The following SCIN variants were observed in gnomAD, a reference collection of about 807,000 sequenced individuals.
SCIN encodes the protein adseverin.
In SCIN, 91 loss-of-function variants were observed where a neutral mutation model predicts 91.8. The observed-to-expected ratio is 0.99, with a 90% CI of 0.84 to 1.18. The LOEUF is 1.18. Among genes scored for constraint, SCIN ranks in the 50% most tolerant of loss-of-function variants. The pLI, the probability that SCIN is intolerant of heterozygous loss-of-function variation, is 0.00. For synonymous variants in SCIN, 367 were observed against 312.6 expected (o/e 1.17, Z -1.84); for missense variants, 1,087 against 863.9 (o/e 1.26, Z -3.24).
At chr7:12,626,424 A>T in intron 7 of SCIN, 160 bp from the exon 8 acceptor site, 1 of 585,408 alleles carries the variant, frequency 1.7e-6, no homozygotes, top group African/African-American at 1.9e-5. Context: ...TTCAGCGGCA[A>T]TTACTTTAGT....
Position 12,625,004 on chromosome 7 carries a change from T to C in SCIN, c.760-6T>C, listed in dbSNP as rs1783482553. On this transcript the variant is annotated splice_polypyrimidine_tract_variant and splice_region_variant and intron_variant, in intron 5 of 15. Coordinates refer to ENST00000297029, the MANE Select transcript of SCIN (RefSeq NM_001112706.3). Reference sequence around the variant, plus strand: ...GAAAACATGGAGGTCATGGTTTTTATATTAGGTTTCAGATGCAAGTGGCTC... The same window carrying C: ...GAAAACATGGAGGTCATGGTTTTTACATTAGGTTTCAGATGCAAGTGGCTC... The C allele has an allele frequency of 6.4e-7, 1 of 1,552,128 alleles. No individual in the cohort carries two copies. The highest frequency in any genetic ancestry group is 1.4e-5 in the African/African-American group (1 of 73,254).
Position 12,626,604 on chromosome 7 carries a change from A to T in SCIN, c.1002A>T (p.Gly334=). ...KNTQIQVLPE[G]GETPIFKQFF... ...TTCAGATTCAAGTTCTTCCAGAAGG[A>T]GGTGAAACACCAATCTTCAAACAGT... Residue 334 remains glycine (G), a synonymous_variant, in exon 8 of 16, where the codon GGA becomes GGT. Coordinates refer to ENST00000297029, the MANE Select transcript of SCIN (RefSeq NM_001112706.3). 1.3e-6 allele frequency: 2 copies of T among 1,548,938 alleles called. No homozygotes were observed. Among genetic ancestry groups the T allele is most frequent in the Non-Finnish European group, 1.7e-6 (2 of 1,145,114 alleles).
chr7:12,600,850 A>G (rs191789777), intron 3 of SCIN, among the ~76,000 whole-genome samples: 34 of 152,284 alleles, frequency 2.2e-4, no homozygotes, highest in Admixed American at 1.1e-3. Flanking sequence ...TTGCTACTCT[A>G]TTATCTGATT....
chr7:12,587,310 A>C (rs1458436484), intron 3 of SCIN, among the ~76,000 whole-genome samples: 1 of 152,160 alleles, frequency 6.6e-6, no homozygotes, highest in Non-Finnish European at 1.5e-5. Context: ...TCCATCCCTC[A>C]GGAGTAGGGG....
intron 10 of SCIN, among the ~76,000 whole-genome samples, chr7:12,636,811 GATAA>G (rs1259555324): frequency 6.6e-6 from 1 of 151,970 alleles, no homozygotes; most frequent in Non-Finnish European, 1.5e-5. Flanking sequence ...ACAAAGAAAT[GATAA>G]ATATTTGAGA....
chr7:12,604,493 A>C (rs1334519195), intron 3 of SCIN, 21 bp from the exon 4 acceptor site: 14 of 1,549,972 alleles, frequency 9.0e-6, no homozygotes, highest in African/African-American at 1.4e-5. Context: ...TAGGGTCAAC[A>C]GATCTGTCTC....
rs145481581 is a variant in SCIN, at chr7:12,614,041, C to T, written c.667-8760C>T. Among the ~76,000 whole-genome samples the T allele has an allele frequency of 5.3e-5, 8 of 152,202 alleles. No homozygotes were observed. In the East Asian group the frequency reaches 1.2e-3, roughly 22 times the overall value. ...ATCTGCTGTCAAAAATACATCTTAA[C>T]GATGTCTGATAGAGTGCATGTAGAG... On this transcript the variant is annotated intron_variant, in intron 4 of 15. Transcript: ENST00000297029.
At chr7:12,599,142 TAAG>T (rs1025375650) in intron 3 of SCIN, among the ~76,000 whole-genome samples, 13 of 152,170 alleles carry the variant, frequency 8.5e-5, no homozygotes, top group African/African-American at 3.1e-4. Flanking sequence ...TCATGCTGAG[TAAG>T]AAGTTTTCTG....
At chr7:12,594,237 G>A (rs1162850956) in intron 3 of SCIN, among the ~76,000 whole-genome samples, 1 of 151,984 alleles carries the variant, frequency 6.6e-6, no homozygotes, top group Non-Finnish European at 1.5e-5. Flanking sequence ...GGATCATGAT[G>A]CTCTGGTGGA....
At chr7:12,637,622 GAC>G (rs1246757492) in intron 10 of SCIN, among the ~76,000 whole-genome samples, 3 of 151,884 alleles carry the variant, frequency 2.0e-5, no homozygotes, top group Admixed American at 6.6e-5. Context: ...GAAGAAATGA[GAC>G]AAGTAAGAAG....
chr7:12,617,696 C>T (rs147531859), intron 4 of SCIN, among the ~76,000 whole-genome samples: 1 of 152,074 alleles, frequency 6.6e-6, no homozygotes, highest in African/African-American at 2.4e-5. Context: ...ATAAACCAGG[C>T]TAGCAAAGCT....
intron 5 of SCIN, 76 bp from the exon 6 acceptor site, chr7:12,624,934 C>T: frequency 7.0e-7 from 1 of 1,430,318 alleles, no homozygotes. Context: ...AGTTGTACAA[C>T]CATTACCATA....
Position 12,570,912 on chromosome 7 carries a change from C to G in SCIN, c.126C>G (p.Val42=). ...AGAGCGCTCACGGCGACTTCTACGT[C>G]GGGGATGCCTACCTGGTGCTGCACA... ...VPQSAHGDFY[V]GDAYLVLHTA... The change falls in exon 1 of 16, where the codon GTC becomes GTG. Residue 42 remains valine, a synonymous_variant. Transcript: ENST00000297029. 1 of 1,551,564 alleles carries G rather than the reference C, an allele frequency of 6.4e-7. No homozygotes were observed. The highest frequency in any genetic ancestry group is 1.2e-5 in the South Asian group (1 of 84,064).
intron 3 of SCIN, 69 bp downstream of exon 3, chr7:12,581,290 A>G (rs1214832073): frequency 1.8e-5 from 26 of 1,436,204 alleles, no homozygotes; most frequent in Middle Eastern, 2.0e-4. Context: ...TCATATGTAC[A>G]TGTCATTGAA....
intron 1 of SCIN, chr7:12,571,554 C>T (rs12699405): frequency 0.053 from 24,888 of 466,040 alleles, 852 homozygotes; most frequent in Middle Eastern, 0.074. Context: ...GGATTCTACC[C>T]GCACCATGCT....
chr7:12,581,075 T>C lies in SCIN; in HGVS notation c.370T>C (p.Ser124Pro), dbSNP rs1469989313. The change falls in exon 3 of 16, where the codon TCT (serine) becomes CCT (proline). Residue 124 changes from serine (S) to proline (P), a missense_variant. Coordinates refer to ENST00000297029, the MANE Select transcript of SCIN (RefSeq NM_001112706.3). ...GLKYKAGGVA[S>P]GLNHVLTNDL... The stretch of plus-strand genomic sequence containing the variant: ...CATTCATCAGGCTGGAGGCGTGGCA[T>C]CTGGATTAAATCATGTTCTTACGAA... The C allele has an allele frequency of 3.9e-6, 6 of 1,551,050 alleles. No individual in the cohort carries two copies. The highest frequency in any genetic ancestry group is 4.4e-6 in the Non-Finnish European group (5 of 1,146,648).
rs568684220 is a variant in SCIN, at chr7:12,592,669, T to A, written c.516+11448T>A. ...TTGGCTAAAAGGTCTCAGCCTAGAA[T>A]GGGGGTGGGGCAATGAGGCATGATA... On this transcript the variant is annotated intron_variant, in intron 3 of 15. Transcript: ENST00000297029. Among the ~76,000 whole-genome samples, 4 of 151,698 alleles carry A rather than the reference T, an allele frequency of 2.6e-5. No individual in the cohort carries two copies. In the East Asian group the frequency reaches 7.8e-4, roughly 30 times the overall value.
chr7:12,583,637 C>T (rs1016966067), intron 3 of SCIN, among the ~76,000 whole-genome samples: 2 of 152,076 alleles, frequency 1.3e-5, no homozygotes, highest in African/African-American at 4.8e-5. Context: ...CAGTAGTATT[C>T]ACTAAATCAT....
rs527837041 is a variant in SCIN, at chr7:12,638,720, T to C, written c.1411-1627T>C. Among the ~76,000 whole-genome samples the C allele has an allele frequency of 2.0e-5, 3 of 152,326 alleles. No individual in the cohort carries two copies. The South Asian group carries it at 6.2e-4, about 32-fold the overall frequency. On this transcript the variant is annotated intron_variant, in intron 10 of 15. Transcript: ENST00000297029. ...CTTCCAGCTGGTCTCCTTTCCATCT[T>C]GATACAAGTTAGTAGATACAAAAAT...
Sources: gnomAD v4.1 joint callset for allele counts (sites outside exome capture counted in the v4.1 genomes callset) on GRCh38, gnomAD v4.1.1 for gene constraint, MANE v1.5 for transcripts, NCBI Gene and HGNC (gene_info 2026-07-23, HGNC 2026-07-21) for gene names.